The following EFTUD2 variants were observed in gnomAD, a reference collection of about 807,000 sequenced individuals.
EFTUD2 encodes elongation factor Tu GTP binding domain containing 2.
Under a neutral mutation model 114.3 loss-of-function variants are expected in EFTUD2, and 9 were observed. The ratio of observed to expected loss-of-function variants is 0.08; its 90% CI spans 0.05 to 0.14. The LOEUF is 0.14. Ranked by LOEUF, EFTUD2 falls within the 10% of genes least tolerant of loss-of-function variation. The probability of loss-of-function intolerance (pLI) is 1.00; values close to 1 mark genes in which losing one functional copy is unlikely to be tolerated. For synonymous variants in EFTUD2, 449 were observed against 462.3 expected (o/e 0.97, Z 0.37); for missense variants, 765 against 1,241.2 (o/e 0.62, Z 5.76).
Position 44,850,354 on chromosome 17 carries a change from C to T in EFTUD2, c.*920G>A, listed in dbSNP as rs371636174. ...CAGGTGCTGTGTACACAATGTACAG[C>T]GATTACGTCAAGAGGATGGCACAGG... On this transcript the variant is annotated 3_prime_UTR_variant, in exon 28 of 28. Transcript: ENST00000426333. 23 of 1,613,208 alleles carry T rather than the reference C, an allele frequency of 1.4e-5. No homozygotes were observed. The South Asian group carries it at 1.8e-4, about 12-fold the overall frequency.
rs745822260 is a variant in EFTUD2, at chr17:44,853,610, G to A, written c.2373C>T (p.Ile791=). 11 of 1,614,178 alleles carry A rather than the reference G, an allele frequency of 6.8e-6. No homozygotes were observed. Among genetic ancestry groups the A allele is most frequent in the Admixed American group, 1.7e-5 (1 of 60,016 alleles). The change falls in exon 24 of 28, where the codon ATC becomes ATT. Residue 791 remains isoleucine (I), a synonymous_variant. Coordinates refer to ENST00000426333, the MANE Select transcript of EFTUD2 (RefSeq NM_004247.4). ...DELIRNVKFK[I]LDAVVAQEPL... is the part of the protein sequence containing the mutation. Reference sequence around the variant, plus strand: ...GCTCCTGGGCAACCACCGCATCCAGGATCTTAAACTTGACATTCCGAATCA... The same window carrying A: ...GCTCCTGGGCAACCACCGCATCCAGAATCTTAAACTTGACATTCCGAATCA...
intron 15 of EFTUD2, 158 bp downstream of exon 15, chr17:44,863,497 G>C: frequency 1.0e-6 from 1 of 993,344 alleles, no homozygotes; most frequent in African/African-American, 1.6e-5. Context: ...TAGCACTAGC[G>C]GTGGCAACAT....
In EFTUD2 at chr17:44,854,817, CAT is replaced by C. The variant is rs899992378; in HGVS notation, c.2132+99_2132+100del. ...CCCAGAACAAGAGCAAAGGCAAAGA[CAT>C]AAATGCTCCCCAGAAAGATGTGTGC... On this transcript the variant is annotated intron_variant, in intron 21 of 27. Coordinates refer to ENST00000426333, the MANE Select transcript of EFTUD2 (RefSeq NM_004247.4). The surrounding 1 kb of genome is among the most constrained non-coding windows in gnomAD (Gnocchi z 4.3). The C allele has an allele frequency of 3.2e-6, 5 of 1,567,222 alleles. No homozygotes were observed. The African/African-American group carries it at 6.8e-5, about 21-fold the overall frequency.
At chr17:44,898,337 C>T (rs1407383056) in intron 1 of EFTUD2, among the ~76,000 whole-genome samples, 1 of 152,204 alleles carries the variant, frequency 6.6e-6, no homozygotes, top group East Asian at 1.9e-4. Flanking sequence ...CCTGCCTCAG[C>T]CTCCCGAGTA....
At position 44,854,607 on chromosome 17, in the gene EFTUD2, G is replaced by T; in HGVS notation, c.2208C>A (p.Gly736=). The change falls in exon 22 of 28, where the codon GGC becomes GGA. Residue 736 remains glycine (G), a synonymous_variant. Transcript: ENST00000426333. The surrounding 1 kb of genome is among the most constrained non-coding windows in gnomAD (Gnocchi z 4.3). ...GAATGTTGGGGCCAGTCGCATCAGGGCCAAAAGCCCAGATGGAACGGGCAG... is the reference window on the plus strand; with the variant it reads ...GAATGTTGGGGCCAGTCGCATCAGGTCCAAAAGCCCAGATGGAACGGGCAG... The part of the protein sequence containing the change: ...LLAARSIWAF[G]PDATGPNILV... The T allele has an allele frequency of 6.2e-7, 1 of 1,614,154 alleles. No individual in the cohort carries two copies. Among genetic ancestry groups the T allele is most frequent in the Non-Finnish European group, 8.5e-7 (1 of 1,180,012 alleles).
chr17:44,852,694 T>C (rs2050476534), intron 25 of EFTUD2, 132 bp from the exon 26 acceptor site: 1 of 1,188,596 alleles, frequency 8.4e-7, no homozygotes, highest in Non-Finnish European at 1.2e-6. Context: ...ACCAAGAATG[T>C]TCTACAAAAA....
intron 20 of EFTUD2, 93 bp from the exon 21 acceptor site, chr17:44,855,097 A>C (rs1340421093): frequency 8.6e-6 from 10 of 1,167,590 alleles, no homozygotes; most frequent in African/African-American, 3.0e-5. Context: ...CAGCTGAGGA[A>C]GTGACATCAG....
chr17:44,890,214 T>TTCATCACGTTGGCCAGACTGGTC lies in EFTUD2; in HGVS notation c.106-3487_106-3465dup, dbSNP rs1597827442. Among the ~76,000 whole-genome samples, 3 of 151,492 alleles carry TTCATCACGTTGGCCAGACTGGTC rather than the reference T, an allele frequency of 2.0e-5. No individual in the cohort carries two copies. In the East Asian group the frequency reaches 6.0e-4, roughly 30 times the overall value. ...TTTGTATTTTTAATAGAGACAGGGT[T>TTCATCACGTTGGCCAGACTGGTC]TCATCACGTTGGCCAGACTGGTCTC... On this transcript the variant is annotated intron_variant, in intron 2 of 27. Transcript: ENST00000426333.
Position 44,854,582 on chromosome 17 carries a change from G to A in EFTUD2, c.2233C>T (p.Leu745=), listed in dbSNP as rs754910520. 1 of 1,614,186 alleles carries A rather than the reference G, an allele frequency of 6.2e-7. No homozygotes were observed. The highest frequency in any genetic ancestry group is 8.5e-7 in the Non-Finnish European group (1 of 1,180,026). The change falls in exon 22 of 28, where the codon CTG becomes TTG. Residue 745 remains leucine (L), a synonymous_variant. Coordinates refer to ENST00000426333, the MANE Select transcript of EFTUD2 (RefSeq NM_004247.4). The surrounding 1 kb of genome is among the most constrained non-coding windows in gnomAD (Gnocchi z 4.3). ...FGPDATGPNI[L]VDDTLPSEVD... is the part of the protein sequence containing the mutation. ...TCAGAGGGCAGAGTATCATCCACCAGAATGTTGGGGCCAGTCGCATCAGGG... is the reference window on the plus strand; with the variant it reads ...TCAGAGGGCAGAGTATCATCCACCAAAATGTTGGGGCCAGTCGCATCAGGG...
At position 44,886,653 on chromosome 17, in the gene EFTUD2, G is replaced by A; in HGVS notation, c.203C>T (p.Thr68Ile). 6.2e-7 allele frequency: 1 copy of A among 1,614,190 alleles called. No homozygotes were observed. Among genetic ancestry groups the A allele is most frequent in the Non-Finnish European group, 8.5e-7 (1 of 1,180,038 alleles). Residue 68 changes from threonine (T) to isoleucine (I), a missense_variant, in exon 3 of 28, where the codon ACA becomes ATA. By Grantham distance (89) the Thr-to-Ile change is moderately conservative. Around this residue, in one of 6 missense-constraint regions of EFTUD2, gnomAD observed 121 missense variants for 133.7 expected, o/e 0.90. Coordinates refer to ENST00000426333, the MANE Select transcript of EFTUD2 (RefSeq NM_004247.4). ...CTCAGGACCATACACCTCCTCGGCTGTTGGGTAGTACTTCTTGTCCTCATG... is the reference window on the plus strand; with the variant it reads ...CTCAGGACCATACACCTCCTCGGCTATTGGGTAGTACTTCTTGTCCTCATG... The part of the protein sequence containing the change: ...VLHEDKKYYP[T>I]AEEVYGPEVE...
intron 13 of EFTUD2, 91 bp downstream of exon 13, chr17:44,867,715 AG>A: frequency 9.0e-7 from 1 of 1,112,404 alleles, no homozygotes; most frequent in Admixed American, 3.4e-5. Flanking sequence ...AAAACTGAGC[AG>A]GTTTAGGGAC....
chr17:44,873,366 T>C (rs1327776040), intron 10 of EFTUD2, among the ~76,000 whole-genome samples: 1 of 152,224 alleles, frequency 6.6e-6, no homozygotes, highest in Non-Finnish European at 1.5e-5. Context: ...AGAGGTTCTT[T>C]TGCTTTTGAG....
At chr17:44,873,615 G>A (rs1045864106) in intron 10 of EFTUD2, among the ~76,000 whole-genome samples, 2 of 152,074 alleles carry the variant, frequency 1.3e-5, no homozygotes, top group Non-Finnish European at 2.9e-5. Flanking sequence ...CTCCCAAAGT[G>A]CTGGGATTCT....
intron 13 of EFTUD2, among the ~76,000 whole-genome samples, chr17:44,866,834 G>A (rs958936773): frequency 7.2e-5 from 11 of 152,254 alleles, no homozygotes; most frequent in African/African-American, 2.4e-4. Context: ...CTGAGGTGGT[G>A]GACTCCTGCC....
intron 5 of EFTUD2, 45 bp from the exon 6 acceptor site, chr17:44,883,203 A>C (rs763747308): frequency 6.3e-7 from 1 of 1,590,144 alleles, no homozygotes; most frequent in Non-Finnish European, 8.6e-7. Context: ...ACAGAGGAAA[A>C]TTTACTGTGC....
chr17:44,891,021 G>A (rs1411813196), intron 2 of EFTUD2, among the ~76,000 whole-genome samples: 1 of 152,082 alleles, frequency 6.6e-6, no homozygotes, highest in Non-Finnish European at 1.5e-5. Context: ...CACTAAGAGA[G>A]GAATGTCACC....
chr17:44,868,404 T>C (rs781738902), intron 11 of EFTUD2, 54 bp from the exon 12 acceptor site: 1 of 1,586,812 alleles, frequency 6.3e-7, no homozygotes, highest in Non-Finnish European at 8.6e-7. Flanking sequence ...CGTTCAAAAT[T>C]CTGTTTCAGG....
At chr17:44,856,130 CA>C (rs1045415785) in intron 20 of EFTUD2, among the ~76,000 whole-genome samples, 397 of 37,348 alleles carry the variant, frequency 0.011, no homozygotes, top group Middle Eastern at 0.038. Context: ...GACCCTGTCT[CA>C]AAAAAAAAAA....
chr17:44,852,583 C>T, intron 25 of EFTUD2, 21 bp from the exon 26 acceptor site: 1 of 1,612,486 alleles, frequency 6.2e-7, no homozygotes, highest in Middle Eastern at 1.7e-4. Context: ...AAAACAAAGG[C>T]TGAGCCTCTA....
Sources: allele counts gnomAD v4.1 joint callset (sites outside exome capture counted in the v4.1 genomes callset), GRCh38; gene constraint gnomAD v4.1.1; regional missense constraint gnomAD v4.1.1; non-coding constraint Gnocchi (gnomAD v3.1); transcripts MANE v1.5; gene names NCBI Gene and HGNC (gene_info 2026-07-23, HGNC 2026-07-21).